CACNA1C: variants seen among roughly 807,000 people sequenced by gnomAD.
CACNA1C encodes the protein calcium voltage-gated channel subunit alpha1 C.
A neutral mutation model predicts 229.0 loss-of-function variants in CACNA1C; 30 were observed. The ratio of observed to expected loss-of-function variants is 0.13; its 90% confidence interval spans 0.10 to 0.18. The LOEUF (loss-of-function observed/expected upper bound fraction) is 0.18. Among genes scored for constraint, CACNA1C ranks in the 10% least tolerant of loss-of-function variants. The pLI, the probability that CACNA1C is intolerant of heterozygous loss-of-function variation, is 1.00. For missense variants in CACNA1C, 1,658 were observed against 2,845.0 expected (o/e 0.58, Z 9.49); for synonymous variants, 1,114 against 1,132.5 (o/e 0.98, Z 0.33).
At position 1,973,453 on chromosome 12, in the gene CACNA1C, T is replaced by A. The variant is rs989665268; in HGVS notation, c.139+2252T>A. ...AAGCATTATACTAATTTGGATTAAA[T>A]TAATATGTACTCTCCAACTATAAAT... On this transcript the variant is annotated intron_variant, in intron 1 of 46. Transcript: ENST00000682462. 6.1e-4 allele frequency among the ~76,000 whole-genome samples: 93 copies of A among 152,242 alleles called. 1 individual carries two copies. Among genetic ancestry groups the A allele is most frequent in the African/African-American group, 2.2e-3 (93 of 41,460 alleles).
chr12:2,343,621 C>T (rs945444327), intron 3 of CACNA1C, among the ~76,000 whole-genome samples: 1 of 152,150 alleles, frequency 6.6e-6, no homozygotes, highest in Non-Finnish European at 1.5e-5. Context: ...AGGACTGTGG[C>T]TGGGTGGGCA....
chr12:2,610,508 C>T, intron 27 of CACNA1C, 33 bp from the exon 28 acceptor site: 1 of 1,592,258 alleles, frequency 6.3e-7, no homozygotes, highest in Non-Finnish European at 8.6e-7. Context: ...AGTTAACTAA[C>T]CCCACTCTCC....
At chr12:2,265,021 T>C (rs1438562106) in intron 3 of CACNA1C, among the ~76,000 whole-genome samples, 1 of 152,218 alleles carries the variant, frequency 6.6e-6, no homozygotes, top group Non-Finnish European at 1.5e-5. Context: ...TCTCCTTAAA[T>C]ATCAGCTCTA....
chr12:2,158,596 C>T (rs972916241), intron 3 of CACNA1C, among the ~76,000 whole-genome samples: 8 of 152,132 alleles, frequency 5.3e-5, no homozygotes, highest in Non-Finnish European at 1.0e-4. Context: ...GATTTACCCG[C>T]AGCCATGTGG....
intron 5 of CACNA1C, among the ~76,000 whole-genome samples, chr12:2,468,459 C>T (rs556654941): frequency 2.0e-5 from 3 of 149,468 alleles, no homozygotes; most frequent in Non-Finnish European, 4.4e-5. Context: ...AACACAGGGA[C>T]GTTATCCCTA....
intron 6 of CACNA1C, among the ~76,000 whole-genome samples, chr12:2,489,073 T>G (rs1002211174): frequency 5.3e-5 from 8 of 152,254 alleles, no homozygotes; most frequent in African/African-American, 1.9e-4. Flanking sequence ...GAGTTTTATA[T>G]AAACTTTGGA....
intron 3 of CACNA1C, among the ~76,000 whole-genome samples, chr12:2,154,577 C>A (rs1314504479): frequency 6.6e-6 from 1 of 152,160 alleles, no homozygotes; most frequent in African/African-American, 2.4e-5. Context: ...CCTGTGTTTG[C>A]AGCTACAACT....
At chr12:2,603,258 G>A (rs948815695) in intron 22 of CACNA1C, 6 of 152,024 alleles carry the variant, frequency 3.9e-5, no homozygotes, top group African/African-American at 7.3e-5. Context: ...ATTGTGATTC[G>A]GTGCAAACTG....
chr12:2,184,077 A>G (rs917603175), intron 3 of CACNA1C, among the ~76,000 whole-genome samples: 4 of 152,032 alleles, frequency 2.6e-5, no homozygotes, highest in Non-Finnish European at 5.9e-5. Flanking sequence ...TCTTTTCTCC[A>G]TCCCATCCCC....
Position 2,567,689 on chromosome 12 carries a change from G to A in CACNA1C, c.1790G>A (p.Cys597Tyr). Reference sequence around the variant, plus strand: ...AACCGCTTTGACTGCTTCGTCGTGTGTGGCGGCATCCTGGAGACCATCCTG... The same window carrying A: ...AACCGCTTTGACTGCTTCGTCGTGTATGGCGGCATCCTGGAGACCATCCTG... ...LFNRFDCFVV[C>Y]GGILETILVE... The change falls in exon 13 of 47, where the codon TGT becomes TAT. Residue 597 changes from cysteine (C) to tyrosine (Y), a missense_variant. Coordinates refer to ENST00000399655, the MANE Select transcript of CACNA1C (RefSeq NM_000719.7). 6.2e-7 allele frequency: 1 copy of A among 1,613,814 alleles called. No homozygotes were observed. Among genetic ancestry groups the A allele is most frequent in the East Asian group, 2.2e-5 (1 of 44,866 alleles).
At chr12:2,642,709 A>T (rs749293702) in intron 30 of CACNA1C, among the ~76,000 whole-genome samples, 1 of 152,080 alleles carries the variant, frequency 6.6e-6, no homozygotes, top group Non-Finnish European at 1.5e-5. Context: ...CCTCTGGCAT[A>T]AGGAATTCTT....
intron 3 of CACNA1C, among the ~76,000 whole-genome samples, chr12:2,208,929 T>C (rs1161784472): frequency 2.0e-5 from 3 of 152,188 alleles, no homozygotes; most frequent in African/African-American, 4.8e-5. Context: ...ATGATTCTAA[T>C]CAAAGTGCTC....
intron 30 of CACNA1C, among the ~76,000 whole-genome samples, chr12:2,645,933 T>C (rs971125037): frequency 3.3e-5 from 5 of 152,182 alleles, no homozygotes; most frequent in African/African-American, 1.2e-4. Flanking sequence ...AGAGTTGTCA[T>C]TACCGGGGCA....
chr12:2,444,475 G>T (rs953791216), intron 3 of CACNA1C, among the ~76,000 whole-genome samples: 34 of 152,042 alleles, frequency 2.2e-4, no homozygotes, highest in African/African-American at 5.8e-4. Flanking sequence ...TGGCTGTTCC[G>T]TACTGATTTG....
chr12:2,628,986 T>C (rs2088852834), intron 29 of CACNA1C, among the ~76,000 whole-genome samples: 1 of 152,206 alleles, frequency 6.6e-6, no homozygotes, highest in East Asian at 1.9e-4. Context: ...GTATAAAGAA[T>C]AGGCATCTCT....
chr12:2,177,590 T>TCCC (rs766728938), intron 3 of CACNA1C, among the ~76,000 whole-genome samples: 26,187 of 72,872 alleles, frequency 0.36, 4,009 homozygotes, highest in Middle Eastern at 0.43. Flanking sequence ...CCTCCCTCCC[T>TCCC]TCCTTCCTTC....
chr12:2,357,703 G>T (rs944396399), intron 3 of CACNA1C, among the ~76,000 whole-genome samples: 2 of 150,778 alleles, frequency 1.3e-5, no homozygotes, highest in African/African-American at 4.9e-5. Flanking sequence ...AGGCACAGTG[G>T]TTCACACCTG....
intron 34 of CACNA1C, among the ~76,000 whole-genome samples, chr12:2,661,833 CAAAG>C (rs915446104): frequency 4.6e-5 from 7 of 152,078 alleles, no homozygotes; most frequent in Non-Finnish European, 1.5e-5. Context: ...AAAAGATTAA[CAAAG>C]AAAAATAATT....
At chr12:2,091,283 C>T (rs1369693336) in intron 1 of CACNA1C, among the ~76,000 whole-genome samples, 2 of 152,182 alleles carry the variant, frequency 1.3e-5, no homozygotes, top group Non-Finnish European at 2.9e-5. Flanking sequence ...TTCTACCTTG[C>T]GATGATTTAC....
Sources: allele counts gnomAD v4.1 joint callset (sites outside exome capture counted in the v4.1 genomes callset), GRCh38; gene constraint gnomAD v4.1.1; transcripts MANE v1.5; gene names NCBI Gene and HGNC (gene_info 2026-07-23, HGNC 2026-07-21).